The following AKAP13 variants were observed in gnomAD, a reference collection of about 807,000 sequenced individuals.
AKAP13 encodes A-kinase anchor protein 13.
A neutral mutation model predicts 264.5 loss-of-function variants in AKAP13; 80 were observed. That is an observed-to-expected ratio of 0.30 (90% CI 0.25 to 0.36). The LOEUF (loss-of-function observed/expected upper bound fraction) is 0.36, where lower values mean the gene tolerates loss of function less well. AKAP13 is among the 10% of genes least tolerant of loss of function. AKAP13 has a pLI of 1.00. For synonymous variants in AKAP13, 1,380 were observed against 1,250.2 expected (o/e 1.10, Z -2.19); for missense variants, 3,712 against 3,435.2 (o/e 1.08, Z -2.01).
chr15:85,387,661 AAATC>A (rs1567032763), intron 1 of AKAP13, among the ~76,000 whole-genome samples: 1 of 138,024 alleles, frequency 7.2e-6, no homozygotes, highest in African/African-American at 2.4e-5. Context: ...TTGAAGCTGG[AAATC>A]AGTTAGGGGG....
At chr15:85,468,572 A>G (rs1289216254) in intron 1 of AKAP13, among the ~76,000 whole-genome samples, 1 of 152,238 alleles carries the variant, frequency 6.6e-6, no homozygotes, top group Non-Finnish European at 1.5e-5. Flanking sequence ...GTTCTCTCAG[A>G]TGAGTTCTGT....
intron 8 of AKAP13, among the ~76,000 whole-genome samples, chr15:85,616,505 T>C (rs975775425): frequency 1.3e-5 from 2 of 152,138 alleles, no homozygotes; most frequent in Non-Finnish European, 2.9e-5. Flanking sequence ...ACCATTTGTG[T>C]GGATAGAGGG....
chr15:85,644,989 G>A (rs535804460), intron 9 of AKAP13, among the ~76,000 whole-genome samples: 12 of 152,244 alleles, frequency 7.9e-5, no homozygotes, highest in Admixed American at 2.6e-4. Context: ...ACTTGGTGGC[G>A]TGTGCCTGCA....
At chr15:85,644,343 C>T (rs1215090277) in intron 9 of AKAP13, among the ~76,000 whole-genome samples, 3 of 151,574 alleles carry the variant, frequency 2.0e-5, no homozygotes, top group South Asian at 2.1e-4. Flanking sequence ...CGGGTTCAAG[C>T]GATTCTTCTG....
chr15:85,621,976 C>T (rs1448137123), intron 8 of AKAP13, among the ~76,000 whole-genome samples: 1 of 152,122 alleles, frequency 6.6e-6, no homozygotes, highest in Non-Finnish European at 1.5e-5. Context: ...TAAATAAACA[C>T]TAGGAGTCCT....
chr15:85,442,312 A>T (rs2073689086), intron 1 of AKAP13, among the ~76,000 whole-genome samples: 1 of 148,554 alleles, frequency 6.7e-6, no homozygotes, highest in Non-Finnish European at 1.5e-5. Flanking sequence ...CAGGAGGCTG[A>T]GGCAGGAGAA....
intron 5 of AKAP13, 85 bp downstream of exon 5, chr15:85,544,040 A>C: frequency 1.3e-6 from 2 of 1,512,570 alleles, no homozygotes; most frequent in Non-Finnish European, 1.8e-6. Flanking sequence ...TTGGCATCTC[A>C]TTGTGTGTTT....
At chr15:85,722,899 A>G (rs544645705) in intron 25 of AKAP13, among the ~76,000 whole-genome samples, 173 bp from the exon 26 acceptor site, 1 of 152,286 alleles carries the variant, frequency 6.6e-6, no homozygotes, top group South Asian at 2.1e-4. Context: ...TTTTTTTAGA[A>G]TCAAACTTAT....
chr15:85,738,908 C>T (rs950495741), intron 33 of AKAP13, among the ~76,000 whole-genome samples: 1 of 151,200 alleles, frequency 6.6e-6, no homozygotes, highest in Non-Finnish European at 1.5e-5. Flanking sequence ...ATAACATATC[C>T]GAGTTGTATA....
chr15:85,485,827 T>C (rs1448496171), intron 2 of AKAP13, 74 bp downstream of exon 2: 1 of 1,423,654 alleles, frequency 7.0e-7, no homozygotes, highest in Non-Finnish European at 9.9e-7. Flanking sequence ...AGCCACACTC[T>C]CACATGATAG....
At chr15:85,653,976 C>G (rs376863993) in intron 10 of AKAP13, among the ~76,000 whole-genome samples, 5 of 152,208 alleles carry the variant, frequency 3.3e-5, no homozygotes, top group East Asian at 1.9e-4. Flanking sequence ...CTCAGCCTCC[C>G]CAGTAGCTGG....
At chr15:85,387,598 T>C (rs1181266529) in intron 1 of AKAP13, among the ~76,000 whole-genome samples, 1 of 152,154 alleles carries the variant, frequency 6.6e-6, no homozygotes, top group Admixed American at 6.5e-5. Context: ...GTGTAGGGAT[T>C]ACAGGCATGA....
intron 1 of AKAP13, among the ~76,000 whole-genome samples, chr15:85,429,780 G>A (rs1045352637): frequency 1.4e-4 from 22 of 152,282 alleles, no homozygotes; most frequent in African/African-American, 5.3e-4. Flanking sequence ...GTGTAGGGTG[G>A]CGCAGGAATC....
At chr15:85,458,974 A>T (rs1265408791) in intron 1 of AKAP13, among the ~76,000 whole-genome samples, 1 of 152,178 alleles carries the variant, frequency 6.6e-6, no homozygotes, top group African/African-American at 2.4e-5. Flanking sequence ...GTACTTGTCT[A>T]GACAGTTTCA....
intron 8 of AKAP13, among the ~76,000 whole-genome samples, chr15:85,605,656 C>G (rs1323461112): frequency 4.6e-5 from 7 of 152,192 alleles, no homozygotes; most frequent in Middle Eastern, 6.8e-3. Flanking sequence ...TAAAAAGGTA[C>G]TGGGATATAA....
intron 17 of AKAP13, among the ~76,000 whole-genome samples, chr15:85,703,853 A>AT (rs11368557): frequency 0.1 from 14,363 of 142,078 alleles, 910 homozygotes; most frequent in Non-Finnish European, 0.15. Context: ...AAAAAAAAAA[A>AT]ATATATATAT....
intron 3 of AKAP13, among the ~76,000 whole-genome samples, chr15:85,529,246 C>G (rs2077175826): frequency 6.6e-6 from 1 of 152,014 alleles, no homozygotes; most frequent in Non-Finnish European, 1.5e-5. Flanking sequence ...GCAATGAAAC[C>G]CCATCTCTAC....
intron 14 of AKAP13, among the ~76,000 whole-genome samples, chr15:85,681,204 C>T (rs182629435): frequency 1.3e-5 from 2 of 152,274 alleles, no homozygotes; most frequent in East Asian, 3.9e-4. Context: ...ATCCTTGAAA[C>T]CAACCTCAAG....
At chr15:85,542,606 A>C (rs896769105) in intron 4 of AKAP13, among the ~76,000 whole-genome samples, 1 of 152,226 alleles carries the variant, frequency 6.6e-6, no homozygotes, top group African/African-American at 2.4e-5. Context: ...AAGCTGAGGC[A>C]GGCACAACTT....
Sources: allele counts gnomAD v4.1 joint callset (sites outside exome capture counted in the v4.1 genomes callset), GRCh38; gene constraint gnomAD v4.1.1; transcripts MANE v1.5; gene names NCBI Gene and HGNC (gene_info 2026-07-23, HGNC 2026-07-21).